PCOLCE2: variants seen among roughly 807,000 people sequenced by gnomAD.
The protein encoded by PCOLCE2 is procollagen C-proteinase enhancer 2.
A neutral mutation model predicts 47.0 loss-of-function variants in PCOLCE2; 42 were observed. The ratio of observed to expected loss-of-function variants is 0.89; its 90% CI spans 0.70 to 1.16. The LOEUF is 1.16. PCOLCE2 is among the 50% of genes most tolerant of loss of function. The pLI, the probability that PCOLCE2 is intolerant of heterozygous loss-of-function variation, is 0.00. For missense variants in PCOLCE2, 500 were observed against 526.1 expected (o/e 0.95, Z 0.49); for synonymous variants, 169 against 191.7 (o/e 0.88, Z 0.98).
intron 6 of PCOLCE2, among the ~76,000 whole-genome samples, chr3:142,826,879 C>T (rs1394331157): frequency 2.0e-5 from 3 of 152,172 alleles, no homozygotes; most frequent in African/African-American, 7.2e-5. Flanking sequence ...GTTCTCCTCC[C>T]TCCTCCCTCG....
chr3:142,837,711 T>G (rs1425626021), intron 5 of PCOLCE2, among the ~76,000 whole-genome samples: 1 of 152,218 alleles, frequency 6.6e-6, no homozygotes, highest in Non-Finnish European at 1.5e-5. Context: ...GCACCAGAAT[T>G]ACACCAGAAA....
At chr3:142,841,881 A>G (rs555940282) in intron 4 of PCOLCE2, among the ~76,000 whole-genome samples, 1 of 152,330 alleles carries the variant, frequency 6.6e-6, no homozygotes, top group East Asian at 1.9e-4. Context: ...TAATTTTTAT[A>G]AAGTTATCTT....
chr3:142,879,927 T>C (rs1037604669), intron 2 of PCOLCE2, among the ~76,000 whole-genome samples: 4 of 139,416 alleles, frequency 2.9e-5, no homozygotes, highest in South Asian at 2.2e-4. Flanking sequence ...GCCGAGATCA[T>C]GCCACTGCAC....
At chr3:142,825,504 T>C (rs1466695601) in intron 6 of PCOLCE2, among the ~76,000 whole-genome samples, 1 of 152,162 alleles carries the variant, frequency 6.6e-6, no homozygotes, top group Non-Finnish European at 1.5e-5. Flanking sequence ...CCAGGGACTT[T>C]CCTAGACACT....
chr3:142,873,676 C>CAGTATCTG (rs1933442247), intron 2 of PCOLCE2, among the ~76,000 whole-genome samples: 1 of 152,150 alleles, frequency 6.6e-6, no homozygotes, highest in Non-Finnish European at 1.5e-5. Context: ...GAATGTTCAC[C>CAGTATCTG]TATACTGGAA....
At chr3:142,852,972 G>C (rs1264000804) in intron 2 of PCOLCE2, among the ~76,000 whole-genome samples, 1 of 151,460 alleles carries the variant, frequency 6.6e-6, no homozygotes, top group Admixed American at 6.6e-5. Flanking sequence ...TGGATGTGGT[G>C]GTGCATGCCT....
intron 3 of PCOLCE2, among the ~76,000 whole-genome samples, chr3:142,845,920 G>A (rs1161717396): frequency 2.6e-5 from 4 of 152,006 alleles, no homozygotes; most frequent in East Asian, 1.9e-4. Context: ...GGTTGCAGTG[G>A]GCCGAGATAG....
chr3:142,834,698 T>C (rs1240086393), intron 5 of PCOLCE2, among the ~76,000 whole-genome samples: 1 of 152,214 alleles, frequency 6.6e-6, no homozygotes, highest in Non-Finnish European at 1.5e-5. Context: ...ATTTTTTTTA[T>C]ACATTGCTAA....
rs562797157 is a variant in PCOLCE2, at chr3:142,820,947, G to A, written c.1048C>T (p.Gln350Ter). 2.5e-6 allele frequency: 4 copies of A among 1,614,072 alleles called. No homozygotes were observed. In the South Asian group the frequency reaches 4.4e-5, roughly 18 times the overall value. ...GCACTCATGTTCTTGCCCGCCTGCTGAATCGCCAAATTTCCCTCTTTGTAG... is the reference window on the plus strand; with the variant it reads ...GCACTCATGTTCTTGCCCGCCTGCTAAATCGCCAAATTTCCCTCTTTGTAG... ...NIYKEGNLAIQQAGKNMSARL... is the reference protein window; with the variant it reads ...NIYKEGNLAI Residue 350 changes from glutamine to a stop codon, truncating the protein, a stop_gained, in exon 8 of 9, where the codon CAG becomes TAG. Coordinates refer to ENST00000295992, the MANE Select transcript of PCOLCE2 (RefSeq NM_013363.4). LOFTEE classifies it high-confidence loss of function.
At chr3:142,839,730 C>G (rs1284677131) in intron 4 of PCOLCE2, among the ~76,000 whole-genome samples, 1 of 152,030 alleles carries the variant, frequency 6.6e-6, no homozygotes, top group Non-Finnish European at 1.5e-5. Context: ...ATACATATAT[C>G]AAAATATAAT....
intron 2 of PCOLCE2, among the ~76,000 whole-genome samples, chr3:142,887,072 C>T (rs921360030): frequency 1.3e-5 from 2 of 152,140 alleles, no homozygotes; most frequent in Admixed American, 6.5e-5. Flanking sequence ...TCTCTAAATC[C>T]AGCTTATCTT....
intron 2 of PCOLCE2, among the ~76,000 whole-genome samples, chr3:142,883,559 C>T (rs1454269386): frequency 6.6e-6 from 1 of 151,760 alleles, no homozygotes; most frequent in Non-Finnish European, 1.5e-5. Context: ...GCTGGGATTA[C>T]AGGCGCCCAC....
At chr3:142,868,479 C>G (rs551484522) in intron 2 of PCOLCE2, among the ~76,000 whole-genome samples, 2 of 152,146 alleles carry the variant, frequency 1.3e-5, no homozygotes, top group Non-Finnish European at 1.5e-5. Flanking sequence ...TTAACTTCCT[C>G]GTAAAGCAAC....
chr3:142,827,925 G>A (rs888464653), intron 6 of PCOLCE2, among the ~76,000 whole-genome samples: 5 of 152,120 alleles, frequency 3.3e-5, no homozygotes, highest in South Asian at 2.1e-4. Context: ...GTGCAAGCCC[G>A]GGACCTGGGA....
At chr3:142,830,915 A>G (rs759427711) in intron 5 of PCOLCE2, among the ~76,000 whole-genome samples, 2 of 152,216 alleles carry the variant, frequency 1.3e-5, no homozygotes, top group Non-Finnish European at 2.9e-5. Flanking sequence ...CCAAATAATG[A>G]AGCAGCATTT....
At chr3:142,869,022 T>C (rs1933334292) in intron 2 of PCOLCE2, among the ~76,000 whole-genome samples, 1 of 152,300 alleles carries the variant, frequency 6.6e-6, no homozygotes, top group South Asian at 2.1e-4. Context: ...CCGGGTGCGG[T>C]GGCTCACGCC....
intron 2 of PCOLCE2, among the ~76,000 whole-genome samples, chr3:142,875,299 T>C (rs1933477042): frequency 6.6e-6 from 1 of 152,158 alleles, no homozygotes; most frequent in South Asian, 2.1e-4. Context: ...CTCTTCAAAA[T>C]GCCAGTTGTT....
At chr3:142,862,633 G>A (rs1293163283) in intron 2 of PCOLCE2, among the ~76,000 whole-genome samples, 1 of 152,114 alleles carries the variant, frequency 6.6e-6, no homozygotes, top group Non-Finnish European at 1.5e-5. Context: ...GATAGATGCT[G>A]TATTTGTAGG....
intron 2 of PCOLCE2, among the ~76,000 whole-genome samples, chr3:142,884,776 C>T (rs1386332388): frequency 6.6e-6 from 1 of 152,308 alleles, no homozygotes; most frequent in South Asian, 2.1e-4. Context: ...CTGTCCTCAA[C>T]ATTTTACGTG....
Sources: gnomAD v4.1 joint callset for allele counts (sites outside exome capture counted in the v4.1 genomes callset) on GRCh38, gnomAD v4.1.1 for gene constraint, MANE v1.5 for transcripts, NCBI Gene and HGNC (gene_info 2026-07-23, HGNC 2026-07-21) for gene names.